The following PTPRM variants were observed in gnomAD, a reference collection of about 807,000 sequenced individuals.
PTPRM encodes receptor-type tyrosine-protein phosphatase mu.
PTPRM carries 47 observed loss-of-function variants against 186.7 expected under a neutral mutation model. The observed-to-expected ratio is 0.25, with a 90% CI of 0.20 to 0.32. The LOEUF is 0.32. Ranked by LOEUF, PTPRM falls within the 10% of genes least tolerant of loss-of-function variation. PTPRM has a pLI of 1.00. For missense variants in PTPRM, 1,494 were observed against 1,865.0 expected (o/e 0.80, Z 3.66); for synonymous variants, 668 against 674.9 (o/e 0.99, Z 0.16).
chr18:7,576,579 A>G (rs1451318416), intron 1 of PTPRM, among the ~76,000 whole-genome samples: 3 of 152,244 alleles, frequency 2.0e-5, no homozygotes, highest in East Asian at 3.9e-4. Context: ...GGGCTCAAGC[A>G]GTCCTCCCAC....
At chr18:8,074,839 C>T (rs2089706746) in intron 8 of PTPRM, among the ~76,000 whole-genome samples, 1 of 152,114 alleles carries the variant, frequency 6.6e-6, no homozygotes, top group Non-Finnish European at 1.5e-5. Flanking sequence ...AGCCTTCTCC[C>T]ATTCTGTGTC....
At chr18:7,600,738 T>C (rs4798577) in intron 1 of PTPRM, among the ~76,000 whole-genome samples, 151,978 of 152,322 alleles carry the variant, frequency 1, 75,818 homozygotes, top group Middle Eastern at 1. Context: ...GGCTGTGCCA[T>C]TGTGTGCTCT....
At chr18:8,372,119 C>T (rs1445165696) in intron 24 of PTPRM, among the ~76,000 whole-genome samples, 2 of 127,292 alleles carry the variant, frequency 1.6e-5, no homozygotes, top group East Asian at 2.4e-4. Context: ...GGCCGGACTG[C>T]GGACTGCAGT....
chr18:8,114,224 T>C (rs1228424775), intron 12 of PTPRM, among the ~76,000 whole-genome samples: 1 of 152,104 alleles, frequency 6.6e-6, no homozygotes, highest in Admixed American at 6.6e-5. Flanking sequence ...CTTTTTTTTT[T>C]CCTAAGAGAA....
At chr18:7,834,128 A>G (rs1841498469) in intron 2 of PTPRM, among the ~76,000 whole-genome samples, 1 of 151,976 alleles carries the variant, frequency 6.6e-6, no homozygotes, top group South Asian at 2.1e-4. Context: ...TTTTTCTATG[A>G]TTTTTATCAT....
At chr18:7,641,943 G>A (rs554254169) in intron 1 of PTPRM, among the ~76,000 whole-genome samples, 12 of 152,292 alleles carry the variant, frequency 7.9e-5, no homozygotes, top group African/African-American at 2.9e-4. Context: ...CAGAATGTGT[G>A]CTCTTGAGGG....
intron 19 of PTPRM, among the ~76,000 whole-genome samples, chr18:8,294,974 C>T (rs973160491): frequency 6.6e-6 from 1 of 152,172 alleles, no homozygotes; most frequent in Non-Finnish European, 1.5e-5. Context: ...ACAGCAGTGT[C>T]CATATCCACC....
At chr18:8,313,739 C>T (rs568862949) in intron 20 of PTPRM, among the ~76,000 whole-genome samples, 5 of 152,170 alleles carry the variant, frequency 3.3e-5, no homozygotes, top group African/African-American at 1.2e-4. Context: ...CTCCCTTACC[C>T]CCTTCTCCCC....
intron 9 of PTPRM, among the ~76,000 whole-genome samples, chr18:8,084,973 T>C (rs1314851636): frequency 6.6e-6 from 1 of 152,196 alleles, no homozygotes; most frequent in African/African-American, 2.4e-5. Flanking sequence ...ATATGGCAGC[T>C]ACTAATCACA....
intron 2 of PTPRM, among the ~76,000 whole-genome samples, chr18:7,874,993 G>C (rs2048166013): frequency 6.6e-6 from 1 of 152,122 alleles, no homozygotes; most frequent in South Asian, 2.1e-4. Flanking sequence ...AGGAGTTCGA[G>C]ATCAGCCTGG....
In PTPRM at chr18:8,143,744, T is replaced by G; in HGVS notation, c.2265T>G (p.Ile755Met). The G allele has an allele frequency of 6.2e-7, 1 of 1,614,136 alleles. No homozygotes were observed. Reference sequence around the variant, plus strand: ...TCGCGGGCATCTTGCTGTTCGTGATTATATTTCTTGGAGTTGTGTTGGTAA... The same window carrying G: ...TCGCGGGCATCTTGCTGTTCGTGATGATATTTCTTGGAGTTGTGTTGGTAA... The part of the protein sequence containing the change: ...GVIAGILLFV[I>M]IFLGVVLVMK... Residue 755 changes from isoleucine (I) to methionine (M), a missense_variant, in exon 14 of 33, where the codon ATT (isoleucine) becomes ATG (methionine). By Grantham distance (10) the Ile-to-Met change is conservative. Transcript: ENST00000580170.
intron 1 of PTPRM, among the ~76,000 whole-genome samples, chr18:7,596,541 A>G (rs2037265502): frequency 6.6e-6 from 1 of 152,152 alleles, no homozygotes; most frequent in Admixed American, 6.5e-5. Flanking sequence ...TAATTGTTCC[A>G]TTTTATTATT....
chr18:7,765,360 T>C (rs2041970635), intron 1 of PTPRM, among the ~76,000 whole-genome samples: 1 of 152,190 alleles, frequency 6.6e-6, no homozygotes, highest in South Asian at 2.1e-4. Flanking sequence ...GTGTAAAAAC[T>C]GCTTGCTAAA....
At chr18:7,841,721 G>GTTTCTAGTT (rs1189333503) in intron 2 of PTPRM, among the ~76,000 whole-genome samples, 2 of 152,192 alleles carry the variant, frequency 1.3e-5, no homozygotes, top group Non-Finnish European at 2.9e-5. Context: ...CAGTTAACTA[G>GTTTCTAGTT]AAAATGAAAT....
chr18:8,110,610 G>A (rs975832838), intron 11 of PTPRM, among the ~76,000 whole-genome samples: 3 of 152,140 alleles, frequency 2.0e-5, no homozygotes, highest in Admixed American at 6.5e-5. Flanking sequence ...ACAGTGCTCC[G>A]AGGACACCAG....
At chr18:8,035,538 T>G (rs1225639179) in intron 7 of PTPRM, among the ~76,000 whole-genome samples, 3 of 152,238 alleles carry the variant, frequency 2.0e-5, no homozygotes, top group Admixed American at 6.5e-5. Flanking sequence ...TAAATAGTTC[T>G]TATACTATAT....
intron 1 of PTPRM, among the ~76,000 whole-genome samples, chr18:7,596,592 C>T (rs2037267055): frequency 6.6e-6 from 1 of 152,066 alleles, no homozygotes; most frequent in Non-Finnish European, 1.5e-5. Flanking sequence ...TAAACTTCAT[C>T]ATAGGTATGT....
intron 7 of PTPRM, among the ~76,000 whole-genome samples, chr18:7,984,572 C>CAT (rs71354583): frequency 0.033 from 2,897 of 88,432 alleles, 91 homozygotes; most frequent in East Asian, 0.11. Flanking sequence ...ATATATGCCC[C>CAT]ATATATATAT....
chr18:7,772,148 G>A (rs556737719), intron 1 of PTPRM, among the ~76,000 whole-genome samples: 1 of 152,362 alleles, frequency 6.6e-6, no homozygotes, highest in Admixed American at 6.5e-5. Context: ...ATTACAGGGA[G>A]CAAAGCATAC....
Sources: gnomAD v4.1 joint callset for allele counts (sites outside exome capture counted in the v4.1 genomes callset) on GRCh38, gnomAD v4.1.1 for gene constraint, MANE v1.5 for transcripts, NCBI Gene and HGNC (gene_info 2026-07-23, HGNC 2026-07-21) for gene names.